JADE3: variants seen among roughly 807,000 people sequenced by gnomAD.
JADE3 encodes the protein jade family PHD finger 3.
A neutral mutation model predicts 50.1 loss-of-function variants in JADE3; 2 were observed. That is an observed-to-expected ratio of 0.04 (90% CI 0.02 to 0.13). The LOEUF is 0.13. Ranked by LOEUF, JADE3 falls within the 10% of genes least tolerant of loss-of-function variation. The pLI is 1.00. For missense variants in JADE3, 475 were observed against 634.4 expected, an observed-to-expected ratio of 0.75 and a Z score of 2.70; for synonymous variants, 218 against 232.9, an observed-to-expected ratio of 0.94 and a Z score of 0.58.
chrX:46,988,675 AAAG>A (rs1927916095), intron 3 of JADE3, among the ~76,000 whole-genome samples: 1 of 111,449 alleles, frequency 9.0e-6, no homozygotes. Context: ...ACCCTTGGTA[AAAG>A]AAGAAAAGTA....
At position 47,056,180 on chromosome X, in the gene JADE3, T is replaced by C. The variant is rs1929629801; in HGVS notation, c.1542T>C (p.Leu514=). The C allele has an allele frequency of 8.5e-7, 1 of 1,173,439 alleles. No homozygotes were observed. Among genetic ancestry groups the C allele is most frequent in the South Asian group, 1.8e-5 (1 of 55,519 alleles). ...EQIFGLQVQL[L]NQEIDAGLPL... is the part of the protein sequence containing the mutation. ...TCTTCGGTTTGCAAGTCCAGCTTCT[T>C]AACCAAGAAATTGATGCAGGTAACC... Residue 514 remains leucine, a synonymous_variant, in exon 10 of 11, where the codon CTT becomes CTC. Transcript: ENST00000614628.
At chrX:46,979,822 T>C (rs1376929777) in intron 1 of JADE3, among the ~76,000 whole-genome samples, 1 of 110,193 alleles carries the variant, frequency 9.1e-6, no homozygotes, top group Non-Finnish European at 1.9e-5. Context: ...CTGAATGTCT[T>C]TTCACGGGCT....
At chrX:47,050,571 T>C (rs1409894406) in intron 8 of JADE3, among the ~76,000 whole-genome samples, 2 of 112,208 alleles carry the variant, frequency 1.8e-5, no homozygotes, top group Non-Finnish European at 3.8e-5. Flanking sequence ...AGAATTACCT[T>C]TTTTTGAAAA....
At chrX:46,976,022 C>T (rs948492487) in intron 1 of JADE3, among the ~76,000 whole-genome samples, 1 of 110,481 alleles carries the variant, frequency 9.1e-6, no homozygotes, top group Non-Finnish European at 1.9e-5. Flanking sequence ...ACCACCGTGC[C>T]CAGCCTGTAT....
chrX:47,011,718 A>G lies in JADE3; in HGVS notation c.285-13006A>G, dbSNP rs187802242. Among the ~76,000 whole-genome samples the G allele has an allele frequency of 2.3e-3, 257 of 111,870 alleles. 1 individual carries two copies. Among genetic ancestry groups the G allele is most frequent in the South Asian group, 0.017 (45 of 2,659 alleles). On this transcript the variant is annotated intron_variant, in intron 4 of 10. Transcript: ENST00000614628. ...ACTTGTTATTGTCTGTCTTTTTGTT[A>G]TAGCCTTTCTAGTGGGTATGAAGTG...
intron 1 of JADE3, among the ~76,000 whole-genome samples, chrX:46,916,177 C>T (rs1556336295): frequency 8.9e-6 from 1 of 112,223 alleles, no homozygotes; most frequent in African/African-American, 3.2e-5. Context: ...ATTTTAAAAA[C>T]TTATTTTGAT....
At chrX:47,022,853 G>A (rs1218481006) in intron 4 of JADE3, among the ~76,000 whole-genome samples, 1 of 110,861 alleles carries the variant, frequency 9.0e-6, no homozygotes, top group Non-Finnish European at 1.9e-5. Flanking sequence ...GCCCTTGGAT[G>A]TCAGGAAGGG....
At position 47,060,237 on chromosome X, in the gene JADE3, C is replaced by CG. The variant is rs782315894; in HGVS notation, c.*1171dup. 0.16 allele frequency: 7,960 copies of CG among 49,730 alleles called. 731 individuals are homozygous for CG. Among genetic ancestry groups the CG allele is most frequent in the Admixed American group, 0.3 (1,075 of 3,577 alleles). 4.1% of individuals were successfully genotyped at this position (49,730 alleles called of 1,213,427 possible). A position where few individuals can be genotyped will look rare whatever the true frequency, so the allele number is the denominator to read the frequency against. ...AGTAGGAAGAGAATAATTACATTTG[C>CG]GGGGGGGGGGGTGGATAAAAACATG... On this transcript the variant is annotated 3_prime_UTR_variant, in exon 11 of 11. Transcript: ENST00000614628.
At chrX:47,006,594 C>T (rs1468873781) in intron 4 of JADE3, among the ~76,000 whole-genome samples, 3 of 108,245 alleles carry the variant, frequency 2.8e-5, no homozygotes, top group Non-Finnish European at 5.8e-5. Context: ...GCCAATGCGC[C>T]CAGCCCATTA....
intron 3 of JADE3, among the ~76,000 whole-genome samples, 163 bp from the exon 4 acceptor site, chrX:46,997,957 T>G (rs782053495): frequency 8.9e-6 from 1 of 111,884 alleles, no homozygotes; most frequent in East Asian, 2.8e-4. Flanking sequence ...TGTCAGTACT[T>G]CAAACCTTTC....
chrX:47,024,792 C>T lies in JADE3; in HGVS notation c.353C>T (p.Pro118Leu). 8.4e-7 allele frequency: 1 copy of T among 1,194,823 alleles called. No homozygotes were observed. Among genetic ancestry groups the T allele is most frequent in the Non-Finnish European group, 1.1e-6 (1 of 880,533 alleles). The change falls in exon 5 of 11, where the codon CCA (proline) becomes CTA (leucine). Residue 118 changes from proline to leucine, a missense_variant. Physicochemically the swap from Pro to Leu is moderately conservative, Grantham distance 98 (BLOSUM62 -3). This residue lies in a region of JADE3 where 54 missense variants were observed against 51.8 expected (regional missense o/e 1.04). Coordinates refer to ENST00000614628, the MANE Select transcript of JADE3 (RefSeq NM_014735.5). Reference protein sequence around the residue: ...RPRKYIHCSSPDTTEPGYINI... With the variant: ...RPRKYIHCSSLDTTEPGYINI... Reference sequence around the variant, plus strand: ...CGGAAGTATATTCACTGCTCCAGCCCAGACACCACAGAGCCTGGCTACATC... The same window carrying T: ...CGGAAGTATATTCACTGCTCCAGCCTAGACACCACAGAGCCTGGCTACATC...
chrX:46,977,044 T>C (rs1556351785), intron 1 of JADE3, among the ~76,000 whole-genome samples: 1 of 112,108 alleles, frequency 8.9e-6, no homozygotes, highest in African/African-American at 3.2e-5. Context: ...TACAAAAAGC[T>C]GTACATAGTT....
chrX:46,940,212 A>G (rs937265712), intron 1 of JADE3, among the ~76,000 whole-genome samples: 4 of 112,595 alleles, frequency 3.6e-5, no homozygotes, highest in African/African-American at 1.3e-4. Flanking sequence ...TAGATGTGAG[A>G]AAATTAGAAG....
Position 47,028,115 on chromosome X carries a change from T to C in JADE3, c.687+12T>C, listed in dbSNP as rs781975155. 7 of 1,142,330 alleles carry C rather than the reference T, an allele frequency of 6.1e-6. No individual in the cohort carries two copies. The African/African-American group carries it at 7.2e-5, about 12-fold the overall frequency. The allele number at this position is 1,142,330 out of a possible 1,213,427, so 94.1% of individuals were successfully genotyped here. On this transcript the variant is annotated intron_variant, in intron 6 of 10. Coordinates refer to ENST00000614628, the MANE Select transcript of JADE3 (RefSeq NM_014735.5). ...TCTGTGTGCATCAGGTTAGTGAGAG[T>C]GGAGACCGTCATCTCCCTACGGTCA...
intron 1 of JADE3, among the ~76,000 whole-genome samples, chrX:46,964,984 G>C (rs1927338356): frequency 8.9e-6 from 1 of 111,780 alleles, no homozygotes; most frequent in African/African-American, 3.3e-5. Flanking sequence ...AGATGGCTCT[G>C]ATTTCATACT....
intron 1 of JADE3, among the ~76,000 whole-genome samples, chrX:46,969,784 G>T (rs1233100207): frequency 8.9e-6 from 1 of 112,119 alleles, no homozygotes; most frequent in Non-Finnish European, 1.9e-5. Context: ...AGCCAAGATC[G>T]CTCCACTGCA....
At chrX:47,009,561 A>G (rs1402745380) in intron 4 of JADE3, among the ~76,000 whole-genome samples, 1 of 111,144 alleles carries the variant, frequency 9.0e-6, no homozygotes, top group Non-Finnish European at 1.9e-5. Flanking sequence ...TCAGAAAAAC[A>G]AAGATGAGAA....
chrX:46,929,795 G>A (rs5906296), intron 1 of JADE3, among the ~76,000 whole-genome samples: 1 of 111,972 alleles, frequency 8.9e-6, no homozygotes, highest in Non-Finnish European at 1.9e-5. Flanking sequence ...CATACCATGA[G>A]TCATTCTGAC....
intron 1 of JADE3, among the ~76,000 whole-genome samples, chrX:46,969,851 G>A (rs1251241205): frequency 4.5e-5 from 5 of 111,833 alleles, no homozygotes; most frequent in Non-Finnish European, 9.4e-5. Flanking sequence ...CTTGTGGGGC[G>A]TAACTTAAAT....
Sources: allele counts gnomAD v4.1 joint callset (sites outside exome capture counted in the v4.1 genomes callset), GRCh38; gene constraint gnomAD v4.1.1; regional missense constraint gnomAD v4.1.1; transcripts MANE v1.5; gene names NCBI Gene and HGNC (gene_info 2026-07-23, HGNC 2026-07-21).